The following STK32C variants were observed in gnomAD, a reference collection of about 807,000 sequenced individuals.
STK32C encodes serine/threonine kinase 32C, also known as serine/threonine-protein kinase 32C.
In STK32C, 31 loss-of-function variants were observed where a neutral mutation model predicts 56.5. The observed-to-expected ratio is 0.55, with a 90% CI of 0.41 to 0.74. The LOEUF (loss-of-function observed/expected upper bound fraction) is 0.74, where lower values mean the gene tolerates loss of function less well. Among genes scored for constraint, STK32C ranks in the 30% least tolerant of loss-of-function variants. The pLI, the probability that STK32C is intolerant of heterozygous loss-of-function variation, is 0.00. For synonymous variants in STK32C, 309 were observed against 289.4 expected, an observed-to-expected ratio of 1.07 and a Z score of -0.69; for missense variants, 544 against 676.9, an observed-to-expected ratio of 0.80 and a Z score of 2.18.
At chr10:132,299,568 C>T (rs1022582039) in intron 1 of STK32C, among the ~76,000 whole-genome samples, 10 of 152,246 alleles carry the variant, frequency 6.6e-5, no homozygotes, top group African/African-American at 2.4e-5. Context: ...CTCTCTGAGC[C>T]GCTCTGGCCG....
At chr10:132,300,813 G>A (rs2065890976) in intron 1 of STK32C, among the ~76,000 whole-genome samples, 1 of 152,198 alleles carries the variant, frequency 6.6e-6, no homozygotes, top group Non-Finnish European at 1.5e-5. Flanking sequence ...ATCCCACTCA[G>A]GAGGGTGGCT....
chr10:132,219,757 C>G (rs1367507790), intron 10 of STK32C, among the ~76,000 whole-genome samples: 1 of 152,168 alleles, frequency 6.6e-6, no homozygotes, highest in Non-Finnish European at 1.5e-5. Context: ...CGTGTTCCCC[C>G]CAAAATCAGG....
intron 1 of STK32C, among the ~76,000 whole-genome samples, chr10:132,293,610 G>A (rs2065639137): frequency 6.6e-6 from 1 of 152,236 alleles, no homozygotes; most frequent in African/African-American, 2.4e-5. Flanking sequence ...AGGGTGCCGT[G>A]GGCAGAGCTC....
At chr10:132,244,610 C>T (rs1369024933) in intron 2 of STK32C, among the ~76,000 whole-genome samples, 1 of 152,250 alleles carries the variant, frequency 6.6e-6, no homozygotes, top group African/African-American at 2.4e-5. Flanking sequence ...CGGGCCCAGG[C>T]TTCCCAACCT....
In STK32C at chr10:132,224,410, C is replaced by G. The variant is rs1465266377; in HGVS notation, c.990G>C (p.Arg330=). 1 of 1,550,942 alleles carries G rather than the reference C, an allele frequency of 6.4e-7. No individual in the cohort carries two copies. The highest frequency in any genetic ancestry group is 1.7e-4 in the Middle Eastern group (1 of 5,960). The change falls in exon 8 of 12, where the codon CGG becomes CGC. Residue 330 remains arginine, a synonymous_variant. Coordinates refer to ENST00000298630, the MANE Select transcript of STK32C (RefSeq NM_173575.4). ...AGGCTCAGGGATGGGGGCTCACCTTCCGCAGCAAGGCCACCATCTCCTTGG... is the reference window on the plus strand; with the variant it reads ...AGGCTCAGGGATGGGGGCTCACCTTGCGCAGCAAGGCCACCATCTCCTTGG... The part of the protein sequence containing the change: ...TWSKEMVALL[R]KLLTVNPEHR...
Position 132,290,490 on chromosome 10 carries a change from T to C in STK32C, c.262+17082A>G, listed in dbSNP as rs535858243. 3.3e-4 allele frequency among the ~76,000 whole-genome samples: 50 copies of C among 152,298 alleles called. 2 individuals are homozygous for C. The East Asian group carries it at 9.5e-3, about 29-fold the overall frequency. On this transcript the variant is annotated intron_variant, in intron 1 of 11. Coordinates refer to ENST00000298630, the MANE Select transcript of STK32C (RefSeq NM_173575.4). Reference sequence around the variant, plus strand: ...AGAGGATGCGATTACTGTGCACATGTGTGTATGCATGCACGCTCATAGGAG... The same window carrying C: ...AGAGGATGCGATTACTGTGCACATGCGTGTATGCATGCACGCTCATAGGAG...
intron 1 of STK32C, chr10:132,324,439 A>G: frequency 1.4e-6 from 1 of 709,718 alleles, no homozygotes; most frequent in South Asian, 1.5e-5. Context: ...AGAGCAATGT[A>G]TTTCAGTTGT....
chr10:132,326,509 T>C (rs1314690937), intron 1 of STK32C, among the ~76,000 whole-genome samples: 1 of 152,180 alleles, frequency 6.6e-6, no homozygotes, highest in East Asian at 1.9e-4. Context: ...TTATTAGTAG[T>C]GATGGGGTTT....
chr10:132,253,581 GC>G (rs1401650863), intron 1 of STK32C, among the ~76,000 whole-genome samples: 3 of 147,352 alleles, frequency 2.0e-5, no homozygotes, highest in African/African-American at 5.1e-5. Context: ...GCTGGAGGGA[GC>G]TGGAGGGAGC....
intron 1 of STK32C, among the ~76,000 whole-genome samples, chr10:132,252,656 G>A (rs2063950581): frequency 1.3e-5 from 2 of 152,066 alleles, no homozygotes; most frequent in Non-Finnish European, 1.5e-5. Context: ...TGGACGGAGC[G>A]GCTCGGAGCT....
At chr10:132,268,416 T>C (rs1229014711) in intron 1 of STK32C, among the ~76,000 whole-genome samples, 1 of 148,418 alleles carries the variant, frequency 6.7e-6, no homozygotes, top group African/African-American at 2.5e-5. Flanking sequence ...TGTGTGTGCA[T>C]GCATGTGTAT....
chr10:132,267,404 T>C (rs1293418452), intron 1 of STK32C, among the ~76,000 whole-genome samples: 2 of 152,256 alleles, frequency 1.3e-5, no homozygotes, highest in Non-Finnish European at 2.9e-5. Context: ...CATGTGCATG[T>C]ATGTTTCTGG....
intron 2 of STK32C, among the ~76,000 whole-genome samples, chr10:132,232,662 G>C (rs2063142849): frequency 6.6e-6 from 1 of 152,124 alleles, no homozygotes; most frequent in Non-Finnish European, 1.5e-5. Flanking sequence ...ACCACAAAGA[G>C]GAACAAGCCA....
chr10:132,327,472 T>C (rs2066522891), intron 1 of STK32C, among the ~76,000 whole-genome samples: 1 of 152,092 alleles, frequency 6.6e-6, no homozygotes, highest in Non-Finnish European at 1.5e-5. Flanking sequence ...AATTTTTATT[T>C]AAAACAAATT....
At chr10:132,281,027 GTCCCTGCACTCCGTGATCACA>G (rs2065185080) in intron 1 of STK32C, among the ~76,000 whole-genome samples, 1 of 146,286 alleles carries the variant, frequency 6.8e-6, no homozygotes, top group Admixed American at 6.8e-5. Flanking sequence ...CCGTGATCAC[GTCCCTGCACTCCGTGATCACA>G]CCCCTGCACT....
intron 11 of STK32C, 127 bp from the exon 12 acceptor site, chr10:132,208,278 G>T: frequency 8.8e-7 from 1 of 1,138,248 alleles, no homozygotes; most frequent in Non-Finnish European, 1.1e-6. Flanking sequence ...CACAGGCTCG[G>T]TGTCTGCTGG....
chr10:132,245,603 C>T (rs981534176), intron 2 of STK32C, among the ~76,000 whole-genome samples: 1 of 152,256 alleles, frequency 6.6e-6, no homozygotes, highest in African/African-American at 2.4e-5. Flanking sequence ...GGAGCAGCCG[C>T]AGGCACAGCC....
intron 1 of STK32C, among the ~76,000 whole-genome samples, chr10:132,288,136 T>C (rs1219555379): frequency 6.6e-6 from 1 of 151,536 alleles, no homozygotes; most frequent in Non-Finnish European, 1.5e-5. Flanking sequence ...TGCTGGACCA[T>C]AAAAACATCC....
At chr10:132,229,064 G>A (rs1226277631) in intron 2 of STK32C, among the ~76,000 whole-genome samples, 1 of 152,236 alleles carries the variant, frequency 6.6e-6, no homozygotes, top group Non-Finnish European at 1.5e-5. Flanking sequence ...TGAGCAGGGG[G>A]GTCCCTTGTG....
Sources: allele counts gnomAD v4.1 joint callset (sites outside exome capture counted in the v4.1 genomes callset), GRCh38; gene constraint gnomAD v4.1.1; transcripts MANE v1.5; gene names NCBI Gene and HGNC (gene_info 2026-07-23, HGNC 2026-07-21).